Variants in PPP3CA observed in about 807,000 individuals in gnomAD.
PPP3CA encodes protein phosphatase 3 catalytic subunit alpha.
A neutral mutation model predicts 66.5 loss-of-function variants in PPP3CA; 14 were observed. That is an observed-to-expected ratio of 0.21 (90% CI 0.14 to 0.33). The LOEUF (loss-of-function observed/expected upper bound fraction) is 0.33, where lower values mean the gene tolerates loss of function less well. Among genes scored for constraint, PPP3CA ranks in the 10% least tolerant of loss-of-function variants. The pLI is 1.00. For missense variants in PPP3CA, 317 were observed against 639.5 expected, an observed-to-expected ratio of 0.50 and a Z score of 5.44; for synonymous variants, 232 against 226.2, an observed-to-expected ratio of 1.03 and a Z score of -0.23.
chr4:101,295,307 C>CAAA (rs527366396), intron 1 of PPP3CA, among the ~76,000 whole-genome samples: 37 of 41,970 alleles, frequency 8.8e-4, no homozygotes, highest in Admixed American at 1.3e-3. Flanking sequence ...GACTCCGTCT[C>CAAA]AAAAAAAAAA....
At chr4:101,113,906 C>T (rs537560569) in intron 2 of PPP3CA, among the ~76,000 whole-genome samples, 4 of 152,220 alleles carry the variant, frequency 2.6e-5, no homozygotes, top group African/African-American at 9.6e-5. Flanking sequence ...CCCCCAAATC[C>T]TCAGGAGGCT....
chr4:101,174,823 A>G (rs1724005838), intron 2 of PPP3CA, among the ~76,000 whole-genome samples: 1 of 152,162 alleles, frequency 6.6e-6, no homozygotes, highest in Admixed American at 6.5e-5. Context: ...TATGCCAGAC[A>G]GCTATAAGAG....
intron 2 of PPP3CA, among the ~76,000 whole-genome samples, chr4:101,193,176 C>A (rs561521439): frequency 6.6e-6 from 1 of 152,168 alleles, no homozygotes; most frequent in Non-Finnish European, 1.5e-5. Context: ...CCTTGGAGGG[C>A]AAAGACCAGG....
chr4:101,063,870 G>C (rs1437980088), intron 8 of PPP3CA, among the ~76,000 whole-genome samples: 1 of 151,486 alleles, frequency 6.6e-6, no homozygotes, highest in African/African-American at 2.4e-5. Flanking sequence ...ACATAATTAT[G>C]GGGTGCATAG....
chr4:101,104,280 G>A (rs1005431821), intron 3 of PPP3CA, among the ~76,000 whole-genome samples: 3 of 152,030 alleles, frequency 2.0e-5, no homozygotes, highest in African/African-American at 4.8e-5. Context: ...AATACACGCT[G>A]GAAAACTGAG....
intron 2 of PPP3CA, among the ~76,000 whole-genome samples, chr4:101,187,437 C>T (rs1724447913): frequency 6.6e-6 from 1 of 152,050 alleles, no homozygotes; most frequent in African/African-American, 2.4e-5. Context: ...TTAACATTTC[C>T]TCAATTCAGA....
At chr4:101,199,925 C>A (rs1041728487) in intron 1 of PPP3CA, among the ~76,000 whole-genome samples, 5 of 152,110 alleles carry the variant, frequency 3.3e-5, no homozygotes, top group African/African-American at 1.2e-4. Flanking sequence ...ATACATTTAC[C>A]AGAGAGAAAC....
rs543641776 is a variant in PPP3CA, at chr4:101,246,575, G to T, written c.59-50459C>A. 2.6e-5 allele frequency among the ~76,000 whole-genome samples: 4 copies of T among 152,158 alleles called. No individual in the cohort carries two copies. The East Asian group carries it at 7.7e-4, about 29-fold the overall frequency. ...TAGAAACAAATTACAAGCTATATAG[G>T]TTAAAGTATTTATTTTAGTCTTTCT... On this transcript the variant is annotated intron_variant, in intron 1 of 13. Coordinates refer to ENST00000394854, the MANE Select transcript of PPP3CA (RefSeq NM_000944.5).
chr4:101,168,889 T>C (rs1249490138), intron 2 of PPP3CA, among the ~76,000 whole-genome samples: 1 of 152,216 alleles, frequency 6.6e-6, no homozygotes, highest in Non-Finnish European at 1.5e-5. Context: ...CATATGATGA[T>C]ACATGTGCTA....
intron 2 of PPP3CA, among the ~76,000 whole-genome samples, chr4:101,120,737 T>C (rs1195001183): frequency 6.6e-6 from 1 of 152,094 alleles, no homozygotes; most frequent in Non-Finnish European, 1.5e-5. Flanking sequence ...TAATGTTCAA[T>C]TGAAGACACT....
chr4:101,194,406 G>GC (rs936954529), intron 2 of PPP3CA, among the ~76,000 whole-genome samples: 2 of 152,002 alleles, frequency 1.3e-5, no homozygotes, highest in Non-Finnish European at 2.9e-5. Flanking sequence ...ACTTTTAGAT[G>GC]CCCCCTTTAT....
intron 1 of PPP3CA, among the ~76,000 whole-genome samples, chr4:101,262,669 A>C (rs116607915): frequency 0.022 from 3,330 of 152,244 alleles, 61 homozygotes; most frequent in Middle Eastern, 0.065. Context: ...ACTATGATGC[A>C]GGTCTCCTGA....
At chr4:101,317,310 C>G (rs545930763) in intron 1 of PPP3CA, among the ~76,000 whole-genome samples, 1 of 146,944 alleles carries the variant, frequency 6.8e-6, no homozygotes, top group Non-Finnish European at 1.5e-5. Context: ...CCCTAAATTT[C>G]TCCAATAGTA....
Position 101,106,441 on chromosome 4 carries a change from GAAAGAAAGAAAGAGAAAAGAAA to G in PPP3CA, c.384+2491_384+2512del, listed in dbSNP as rs1730711310. On this transcript the variant is annotated intron_variant, in intron 3 of 13. Coordinates refer to ENST00000394854, the MANE Select transcript of PPP3CA (RefSeq NM_000944.5). ...AGAAAGAAAGAAAGAAAGAAAGAAAGAAAGAAAGAAAGAGAAAAGAAAAGAAAAGAAAAGAAAAGAAAAGAAA... is the reference window on the plus strand; with the variant it reads ...AGAAAGAAAGAAAGAAAGAAAGAAAGAGAAAAGAAAAGAAAAGAAAAGAAA... Among the ~76,000 whole-genome samples, 10 of 11,298 alleles carry G rather than the reference GAAAGAAAGAAAGAGAAAAGAAA, an allele frequency of 8.9e-4. 1 individual carries two copies. Among genetic ancestry groups the G allele is most frequent in the Non-Finnish European group, 1.5e-3 (8 of 5,496 alleles). The allele number at this position is 11,298 out of a possible 152,430, so 7.4% of individuals were successfully genotyped here. A position where few individuals can be genotyped will look rare whatever the true frequency, so the allele number is the denominator to read the frequency against.
intron 6 of PPP3CA, 108 bp from the exon 7 acceptor site, chr4:101,083,371 A>C: frequency 1.0e-6 from 1 of 976,528 alleles, no homozygotes; most frequent in Middle Eastern, 2.2e-4. Context: ...ATAATCAAAC[A>C]TACATCATTC....
At chr4:101,187,735 T>C (rs1724459311) in intron 2 of PPP3CA, among the ~76,000 whole-genome samples, 1 of 152,126 alleles carries the variant, frequency 6.6e-6, no homozygotes, top group African/African-American at 2.4e-5. Context: ...CTTTTAAAAT[T>C]AAATGAAAAA....
chr4:101,304,766 C>G (rs113960240), intron 1 of PPP3CA, among the ~76,000 whole-genome samples: 4 of 152,230 alleles, frequency 2.6e-5, no homozygotes, highest in African/African-American at 9.6e-5. Context: ...TTTATCAACA[C>G]AAATAATTGA....
chr4:101,334,661 G>C (rs1244745313), intron 1 of PPP3CA, among the ~76,000 whole-genome samples: 1 of 152,120 alleles, frequency 6.6e-6, no homozygotes, highest in African/African-American at 2.4e-5. Context: ...TTTCAGGTAT[G>C]GTAGTCTCTG....
chr4:101,219,894 A>C (rs1403950601), intron 1 of PPP3CA, among the ~76,000 whole-genome samples: 2 of 151,880 alleles, frequency 1.3e-5, no homozygotes, highest in African/African-American at 4.8e-5. Flanking sequence ...TTATAGTATT[A>C]AGAATGGAAC....
Sources: gnomAD v4.1 joint callset for allele counts (sites outside exome capture counted in the v4.1 genomes callset) on GRCh38, gnomAD v4.1.1 for gene constraint, MANE v1.5 for transcripts, NCBI Gene and HGNC (gene_info 2026-07-23, HGNC 2026-07-21) for gene names.